NAALADL2: variants seen among roughly 807,000 people sequenced by gnomAD.
NAALADL2 encodes the protein N-acetylated alpha-linked acidic dipeptidase like 2.
NAALADL2 carries 76 observed loss-of-function variants against 87.2 expected under a neutral mutation model. The ratio of observed to expected loss-of-function variants is 0.87; its 90% CI spans 0.72 to 1.05. The LOEUF (loss-of-function observed/expected upper bound fraction) is 1.05. Ranked by LOEUF, NAALADL2 falls within the 50% of genes least tolerant of loss-of-function variation. The pLI is 0.00. For synonymous variants in NAALADL2, 354 were observed against 331.0 expected, an observed-to-expected ratio of 1.07 and a Z score of -0.75; for missense variants, 1,089 against 945.8, an observed-to-expected ratio of 1.15 and a Z score of -1.99.
At chr3:174,701,881 A>G (rs1486165467) in intron 2 of NAALADL2, among the ~76,000 whole-genome samples, 1 of 152,156 alleles carries the variant, frequency 6.6e-6, no homozygotes, top group Non-Finnish European at 1.5e-5. Context: ...TTGCAATTAC[A>G]AAAAAGATGC....
intron 2 of NAALADL2, among the ~76,000 whole-genome samples, chr3:174,689,732 T>C (rs1578556413): frequency 6.6e-6 from 1 of 152,240 alleles, no homozygotes; most frequent in East Asian, 1.9e-4. Context: ...TTCAATGCTT[T>C]GCACATAGTA....
chr3:175,626,986 A>G (rs985314197), intron 10 of NAALADL2, among the ~76,000 whole-genome samples: 1 of 151,832 alleles, frequency 6.6e-6, no homozygotes, highest in Non-Finnish European at 1.5e-5. Flanking sequence ...TCCCACAAAC[A>G]TTTCACCTCA....
At chr3:175,446,899 A>C (rs1028639497) in intron 5 of NAALADL2, among the ~76,000 whole-genome samples, 1 of 152,078 alleles carries the variant, frequency 6.6e-6, no homozygotes, top group Non-Finnish European at 1.5e-5. Flanking sequence ...CTAGAATCTT[A>C]TTACTATCTA....
intron 9 of NAALADL2, among the ~76,000 whole-genome samples, chr3:175,551,087 C>CGTGTGT (rs60306944): frequency 0.016 from 2,359 of 149,392 alleles, 73 homozygotes; most frequent in African/African-American, 0.055. Flanking sequence ...TGTGTCTCTG[C>CGTGTGT]GTGTGTGTGT....
rs377612383 is a variant in NAALADL2 at position 175,139,787 on chromosome 3, A to C, written c.545+42496A>C. ...TCTCTACAGTAAAAAGCATTTCTTA[A>C]AAAAATTATGCATTGCAAATTAGTT... On this transcript the variant is annotated intron_variant, in intron 2 of 13. Transcript: ENST00000454872. 6.6e-5 allele frequency among the ~76,000 whole-genome samples: 10 copies of C among 152,232 alleles called. No homozygotes were observed. In the East Asian group the frequency reaches 1.3e-3, roughly 21 times the overall value.
chr3:175,086,047 C>G (rs532598532), intron 1 of NAALADL2, among the ~76,000 whole-genome samples: 1 of 152,094 alleles, frequency 6.6e-6, no homozygotes, highest in Non-Finnish European at 1.5e-5. Flanking sequence ...AAGAGTCTTT[C>G]GTTTTTCATA....
chr3:174,904,775 A>AAT (rs1732776755), intron 1 of NAALADL2, among the ~76,000 whole-genome samples: 1 of 151,834 alleles, frequency 6.6e-6, no homozygotes, highest in Admixed American at 6.6e-5. Context: ...AGCTTGAGGC[A>AAT]ATAATTCACT....
intron 11 of NAALADL2, among the ~76,000 whole-genome samples, chr3:175,664,859 C>A (rs1296874212): frequency 6.6e-6 from 1 of 151,942 alleles, no homozygotes; most frequent in African/African-American, 2.4e-5. Context: ...CTATCAAATC[C>A]TATCAAAGGT....
intron 11 of NAALADL2, among the ~76,000 whole-genome samples, chr3:175,723,513 T>A (rs1233406367): frequency 2.0e-5 from 3 of 152,148 alleles, no homozygotes; most frequent in African/African-American, 7.2e-5. Context: ...TAGATGAAAT[T>A]AAGACATGAA....
At chr3:174,648,281 C>G (rs1004831909) in intron 2 of NAALADL2, among the ~76,000 whole-genome samples, 1 of 151,898 alleles carries the variant, frequency 6.6e-6, no homozygotes. Context: ...TGAGATCACG[C>G]CATTGCACTC....
chr3:175,201,185 A>G (rs1461277), intron 2 of NAALADL2, among the ~76,000 whole-genome samples: 56,505 of 152,042 alleles, frequency 0.37, 11,682 homozygotes, highest in East Asian at 0.53. Context: ...ATGTATCTCT[A>G]GTGCCTAACC....
In NAALADL2 at chr3:174,953,842, G is replaced by GT. The variant is rs935446950; in HGVS notation, c.43+94401dup. Among the ~76,000 whole-genome samples, 166 of 150,664 alleles carry GT rather than the reference G, an allele frequency of 1.1e-3. 1 individual carries two copies. The highest frequency in any genetic ancestry group is 2.8e-3 in the African/African-American group (117 of 41,056). Reference sequence around the variant, plus strand: ...TCATGGAATTAATCACTTTTTAATTGTTTTTTTTTCTCATCTAAAACCAAA... The same window carrying GT: ...TCATGGAATTAATCACTTTTTAATTGTTTTTTTTTTCTCATCTAAAACCAAA... On this transcript the variant is annotated intron_variant, in intron 1 of 13. Coordinates refer to ENST00000454872, the MANE Select transcript of NAALADL2 (RefSeq NM_207015.3).
At chr3:175,651,460 T>A (rs950919542) in intron 11 of NAALADL2, among the ~76,000 whole-genome samples, 2 of 152,138 alleles carry the variant, frequency 1.3e-5, no homozygotes, top group Non-Finnish European at 2.9e-5. Context: ...TTCACTCTAA[T>A]TCATTTTGGA....
intron 5 of NAALADL2, among the ~76,000 whole-genome samples, chr3:175,356,941 G>A (rs75922524): frequency 7.1e-4 from 108 of 151,928 alleles, no homozygotes; most frequent in Middle Eastern, 3.4e-3. Flanking sequence ...AAAGTGTGAG[G>A]TCTCGGGAGA....
At chr3:175,540,471 C>A (rs942526045) in intron 9 of NAALADL2, among the ~76,000 whole-genome samples, 1 of 152,082 alleles carries the variant, frequency 6.6e-6, no homozygotes, top group African/African-American at 2.4e-5. Flanking sequence ...ATGGCAGAGC[C>A]TTTGGATTTT....
At chr3:175,517,210 A>G (rs187383472) in intron 9 of NAALADL2, among the ~76,000 whole-genome samples, 45 of 152,292 alleles carry the variant, frequency 3.0e-4, no homozygotes, top group Non-Finnish European at 5.4e-4. Context: ...AATGGCTCAT[A>G]TCTGCTCCAA....
intron 1 of NAALADL2, among the ~76,000 whole-genome samples, chr3:174,550,375 TAAGTA>T (rs1233733173): frequency 6.6e-6 from 1 of 152,018 alleles, no homozygotes; most frequent in Admixed American, 6.6e-5. Flanking sequence ...AGACTTTTTT[TAAGTA>T]AAGTCATTTT....
At chr3:175,505,667 C>A (rs1730209072) in intron 9 of NAALADL2, among the ~76,000 whole-genome samples, 1 of 151,948 alleles carries the variant, frequency 6.6e-6, no homozygotes, top group South Asian at 2.1e-4. Context: ...ATAATGAAAG[C>A]AAGGGCCTGG....
chr3:175,483,131 T>C (rs2059003), intron 9 of NAALADL2, among the ~76,000 whole-genome samples: 10 of 151,698 alleles, frequency 6.6e-5, no homozygotes, highest in Admixed American at 1.3e-4. Flanking sequence ...CAAATTGCTG[T>C]GTTATATATA....
Sources: allele counts gnomAD v4.1 joint callset (sites outside exome capture counted in the v4.1 genomes callset), GRCh38; gene constraint gnomAD v4.1.1; transcripts MANE v1.5; gene names NCBI Gene and HGNC (gene_info 2026-07-23, HGNC 2026-07-21).